The following STRIP2 variants were observed in gnomAD, a reference collection of about 807,000 sequenced individuals.
The protein encoded by STRIP2 is striatin interacting protein 2.
In STRIP2, 84 loss-of-function variants were observed where a neutral mutation model predicts 107.1. The ratio of observed to expected loss-of-function variants is 0.78; its 90% CI spans 0.66 to 0.94. The LOEUF (loss-of-function observed/expected upper bound fraction) is 0.94, where lower values mean the gene tolerates loss of function less well. Ranked by LOEUF, STRIP2 falls within the 40% of genes least tolerant of loss-of-function variation. STRIP2 has a pLI of 0.00. For missense variants in STRIP2, 888 were observed against 1,034.2 expected (o/e 0.86, Z 1.94); for synonymous variants, 394 against 400.4 (o/e 0.98, Z 0.19).
chr7:129,443,886 A>G (rs1253220223), intron 2 of STRIP2, 138 bp from the exon 3 acceptor site: 4 of 695,336 alleles, frequency 5.8e-6, no homozygotes, highest in African/African-American at 3.6e-5. Flanking sequence ...CGTTGCTCTG[A>G]AAAGGAGGAA....
Position 129,470,728 on chromosome 7 carries a change from G to T in STRIP2, c.1944+13G>T. The T allele has an allele frequency of 6.2e-7, 1 of 1,612,346 alleles. No homozygotes were observed. The highest frequency in any genetic ancestry group is 8.5e-7 in the Non-Finnish European group (1 of 1,178,440). The stretch of plus-strand genomic sequence containing the variant: ...TACTGAAAGTCTGGTAAGCAGATGG[G>T]GATTTGGTAGCCTTTGAAATTGCTA... On this transcript the variant is annotated intron_variant, in intron 18 of 20. Transcript: ENST00000249344.
chr7:129,457,253 C>T (rs906751068), intron 9 of STRIP2, among the ~76,000 whole-genome samples: 3 of 152,210 alleles, frequency 2.0e-5, no homozygotes, highest in Non-Finnish European at 4.4e-5. Flanking sequence ...GCCTACTGCA[C>T]ACCTAGGCAT....
At position 129,482,945 on chromosome 7, in the gene STRIP2, A is replaced by T. The variant is rs756648513; in HGVS notation, c.2153A>T (p.Lys718Met). 2 of 1,614,220 alleles carry T rather than the reference A, an allele frequency of 1.2e-6. No individual in the cohort carries two copies. The highest frequency in any genetic ancestry group is 4.5e-5 in the East Asian group (2 of 44,886). Residue 718 changes from lysine (K) to methionine (M), a missense_variant, in exon 20 of 21, where the codon AAG (lysine) becomes ATG (methionine). Coordinates refer to ENST00000249344, the MANE Select transcript of STRIP2 (RefSeq NM_020704.3). ...CTAAAGCTACTAAAGTTACAGACCA[A>T]GTACCTGGGGCGCCAATGGAGGAAA... ...YVLKLLKLQTKYLGRQWRKSN... is the reference protein window; with the variant it reads ...YVLKLLKLQTMYLGRQWRKSN...
At chr7:129,465,452 T>A (rs1390229567) in intron 16 of STRIP2, among the ~76,000 whole-genome samples, 1 of 152,170 alleles carries the variant, frequency 6.6e-6, no homozygotes, top group African/African-American at 2.4e-5. Flanking sequence ...GCTGGAGTTC[T>A]GCCTGGGGCG....
intron 19 of STRIP2, 124 bp from the exon 20 acceptor site, chr7:129,482,718 G>C (rs1313944238): frequency 1.8e-6 from 2 of 1,115,114 alleles, no homozygotes; most frequent in African/African-American, 3.1e-5. Context: ...GTAGAGCCTG[G>C]ACCATAGATT....
At chr7:129,476,931 G>A (rs571399975) in intron 18 of STRIP2, among the ~76,000 whole-genome samples, 154 of 151,028 alleles carry the variant, frequency 1.0e-3, no homozygotes, top group African/African-American at 3.5e-3. Context: ...CCGGCACCTC[G>A]GGAGACCGAG....
intron 19 of STRIP2, among the ~76,000 whole-genome samples, chr7:129,482,032 C>T (rs999848823): frequency 1.3e-5 from 2 of 151,564 alleles, no homozygotes; most frequent in Non-Finnish European, 2.9e-5. Flanking sequence ...TGGTGGCGGG[C>T]GCCTCTACTC....
rs189534525 is a variant in STRIP2, at chr7:129,482,057, C to G, written c.2050-785C>G. 2.2e-3 allele frequency among the ~76,000 whole-genome samples: 337 copies of G among 152,128 alleles called. 1 individual carries two copies. The highest frequency in any genetic ancestry group is 7.5e-3 in the African/African-American group (313 of 41,500). ...CGCCTCTACTCAGGGGAGGCTGAGG[C>G]AGGAGAATCACTTGAACCCAGGAGG... On this transcript the variant is annotated intron_variant, in intron 19 of 20. Coordinates refer to ENST00000249344, the MANE Select transcript of STRIP2 (RefSeq NM_020704.3).
rs770519813 is a variant in STRIP2 at position 129,462,987 on chromosome 7, A to G, written c.1498A>G (p.Thr500Ala). ...MSLGEEVVPE[T>A]PCEILYQGML... is the part of the protein sequence containing the mutation. Reference sequence around the variant, plus strand: ...ATAGGGGGAAGAGGTGGTACCAGAGACGCCATGTGAAATCCTCTACCAGGG... The same window carrying G: ...ATAGGGGGAAGAGGTGGTACCAGAGGCGCCATGTGAAATCCTCTACCAGGG... The change falls in exon 14 of 21, where the codon ACG (threonine) becomes GCG (alanine). Residue 500 changes from threonine to alanine, a missense_variant. Coordinates refer to ENST00000249344, the MANE Select transcript of STRIP2 (RefSeq NM_020704.3). 8 of 1,614,102 alleles carry G rather than the reference A, an allele frequency of 5.0e-6. No individual in the cohort carries two copies. Among genetic ancestry groups the G allele is most frequent in the Non-Finnish European group, 6.8e-6 (8 of 1,179,962 alleles).
Position 129,464,102 on chromosome 7 carries a change from C to T in STRIP2, c.1610C>T (p.Ser537Phe). The T allele has an allele frequency of 1.2e-6, 2 of 1,613,320 alleles. No homozygotes were observed. Among genetic ancestry groups the T allele is most frequent in the Non-Finnish European group, 1.7e-6 (2 of 1,180,012 alleles). Residue 537 changes from serine to phenylalanine, a missense_variant, in exon 15 of 21, where the codon TCT (serine) becomes TTT (phenylalanine). Ser to Phe is a radical substitution (Grantham distance 155). Transcript: ENST00000249344. ...AAPTSKAKTD[S>F]INILADVLPE... ...CCCACCTCTAAGGCTAAGACAGACT[C>T]TATCAATATCCTGGCAGATGTCCTA...
Position 129,453,237 on chromosome 7 carries a change from G to A in STRIP2, c.420G>A (p.Gly140=), listed in dbSNP as rs1399727534. 3.7e-6 allele frequency: 6 copies of A among 1,613,930 alleles called. No homozygotes were observed. The highest frequency in any genetic ancestry group is 5.1e-6 in the Non-Finnish European group (6 of 1,179,992). The change falls in exon 5 of 21, where the codon GGG becomes GGA. Residue 140 remains glycine, a synonymous_variant. Transcript: ENST00000249344. ...AVLYLAQGTF[G]ECDSEVDVLH... ...TGTCTGGTCCTTTAGGTACTTTTGGGGAATGTGATTCAGAGGTCGATGTGC... is the reference window on the plus strand; with the variant it reads ...TGTCTGGTCCTTTAGGTACTTTTGGAGAATGTGATTCAGAGGTCGATGTGC...
intron 1 of STRIP2, among the ~76,000 whole-genome samples, chr7:129,439,451 C>G (rs692686): frequency 1.3e-5 from 2 of 152,116 alleles, no homozygotes; most frequent in African/African-American, 2.4e-5. Context: ...AACATATTTA[C>G]TAGGATTATA....
In STRIP2 at chr7:129,458,265, C is replaced by A; in HGVS notation, c.1089C>A (p.Leu363=). Residue 363 remains leucine, a synonymous_variant, in exon 10 of 21, where the codon CTC becomes CTA. Transcript: ENST00000249344. The surrounding 1 kb of genome is among the most constrained non-coding windows in gnomAD (Gnocchi z 4.6). ...TGGACATCTACAATGAAAGGGATCT[C>A]TTCAAGACTGAGGAGCCCGCCACAG... is the stretch of plus-strand genomic sequence containing the variant. ...DSLDIYNERD[L]FKTEEPATEE... is the part of the protein sequence containing the mutation. 1 of 1,614,186 alleles carries A rather than the reference C, an allele frequency of 6.2e-7. No homozygotes were observed. Among genetic ancestry groups the A allele is most frequent in the Non-Finnish European group, 8.5e-7 (1 of 1,180,028 alleles).
chr7:129,479,768 C>T (rs2151018821), intron 18 of STRIP2, among the ~76,000 whole-genome samples: 1 of 152,120 alleles, frequency 6.6e-6, no homozygotes, highest in South Asian at 2.1e-4. Context: ...CTAGGATTAC[C>T]AGTGTGAGCT....
chr7:129,483,705 A>T lies in STRIP2; in HGVS notation c.2254+659A>T, dbSNP rs1237074601. ...AATCCAATCCAGGACCACAGGTTGCATCCAGTTGTTATATATATGTTAATT... is the reference window on the plus strand; with the variant it reads ...AATCCAATCCAGGACCACAGGTTGCTTCCAGTTGTTATATATATGTTAATT... On this transcript the variant is annotated intron_variant, in intron 20 of 20. Coordinates refer to ENST00000249344, the MANE Select transcript of STRIP2 (RefSeq NM_020704.3). This position sits in a 1 kb window ranked among gnomAD's most constrained non-coding sequence, Gnocchi z 5.1. 6.6e-6 allele frequency: 1 copy of T among 152,152 alleles called. No homozygotes were observed. The highest frequency in any genetic ancestry group is 1.5e-5 in the Non-Finnish European group (1 of 68,050). The allele number at this position is 152,152 out of a possible 1,614,324, so 9.4% of individuals were successfully genotyped here.
intron 9 of STRIP2, among the ~76,000 whole-genome samples, chr7:129,456,891 T>C (rs1798374961): frequency 6.6e-6 from 1 of 152,174 alleles, no homozygotes; most frequent in South Asian, 2.1e-4. Context: ...TGCTACAGAA[T>C]CATTGGCCTG....
intron 18 of STRIP2, among the ~76,000 whole-genome samples, chr7:129,473,825 C>T (rs1798851372): frequency 6.6e-6 from 1 of 152,074 alleles, no homozygotes; most frequent in Non-Finnish European, 1.5e-5. Flanking sequence ...TCAAGCGATT[C>T]TTCTGCCTCA....
intron 18 of STRIP2, among the ~76,000 whole-genome samples, chr7:129,480,113 T>C (rs1799080518): frequency 6.6e-6 from 1 of 152,196 alleles, no homozygotes; most frequent in South Asian, 2.1e-4. Flanking sequence ...AAGCCCCAAA[T>C]TCACATAAGG....
At chr7:129,481,011 A>T in intron 19 of STRIP2, 122 bp downstream of exon 19, 1 of 669,472 alleles carries the variant, frequency 1.5e-6, no homozygotes, top group Non-Finnish European at 2.6e-6. Context: ...ATGCTACATA[A>T]GATTTAGCAC....
Sources: gnomAD v4.1 joint callset for allele counts (sites outside exome capture counted in the v4.1 genomes callset) on GRCh38, gnomAD v4.1.1 for gene constraint, Gnocchi (gnomAD v3.1) non-coding constraint, MANE v1.5 for transcripts, NCBI Gene and HGNC (gene_info 2026-07-23, HGNC 2026-07-21) for gene names.